Variants in APELA observed in about 807,000 individuals in gnomAD.
APELA encodes protein Elabela.
intron 2 of APELA, among the ~76,000 whole-genome samples, chr4:164,887,889 G>C (rs935399177): frequency 2.6e-5 from 4 of 152,182 alleles, no homozygotes; most frequent in African/African-American, 9.6e-5. Flanking sequence ...TGGGATTACA[G>C]GCTTGAGCCA....
chr4:164,885,217 G>A (rs532383007), intron 2 of APELA, among the ~76,000 whole-genome samples: 9 of 152,068 alleles, frequency 5.9e-5, no homozygotes, highest in South Asian at 4.2e-4. Flanking sequence ...TGCAGCCTCC[G>A]CCTTTTGGGC....
intron 2 of APELA, among the ~76,000 whole-genome samples, chr4:164,881,533 G>A (rs1579106880): frequency 1.1e-5 from 1 of 87,952 alleles, no homozygotes; most frequent in South Asian, 3.6e-4. Flanking sequence ...TCATTTCCTT[G>A]ATTTTTTTTT....
At chr4:164,879,538 G>A (rs753173541) in intron 2 of APELA, among the ~76,000 whole-genome samples, 44 of 151,936 alleles carry the variant, frequency 2.9e-4, no homozygotes, top group Non-Finnish European at 4.3e-4. Context: ...TCAACCTCCC[G>A]GGCTCAAGTG....
At position 164,897,321 on chromosome 4, in the gene APELA, G is replaced by A. The variant is rs1349768103; in HGVS notation, c.*1907G>A. ...ATAACCTATTCTCAGTTATATTTAT[G>A]TTTAAAACATGTACTGGTTTGTATA... On this transcript the variant is annotated 3_prime_UTR_variant, in exon 3 of 3. Coordinates refer to ENST00000507152, the MANE Select transcript of APELA (RefSeq NM_001297550.2). 1.3e-5 allele frequency: 2 copies of A among 152,128 alleles called. No individual in the cohort carries two copies. Among genetic ancestry groups the A allele is most frequent in the Non-Finnish European group, 2.9e-5 (2 of 68,008 alleles). The allele number at this position is 152,128 out of a possible 1,614,324, so 9.4% of individuals were successfully genotyped here.
At position 164,895,884 on chromosome 4, in the gene APELA, C is replaced by T. The variant is rs920712985; in HGVS notation, c.*470C>T. 26 of 152,094 alleles carry T rather than the reference C, an allele frequency of 1.7e-4. No individual in the cohort carries two copies. Among genetic ancestry groups the T allele is most frequent in the Admixed American group, 1.0e-3 (16 of 15,272 alleles). 9.4% of individuals were successfully genotyped at this position (152,094 alleles called of 1,614,324 possible). On this transcript the variant is annotated 3_prime_UTR_variant, in exon 3 of 3. Transcript: ENST00000507152. The stretch of plus-strand genomic sequence containing the variant: ...TCAACCTGAAATCAATTGCATTGAC[C>T]ATTTGGCTTCGCACAATAGGGAGAA...
At chr4:164,882,325 A>G (rs1324260377) in intron 2 of APELA, among the ~76,000 whole-genome samples, 1 of 151,664 alleles carries the variant, frequency 6.6e-6, no homozygotes, top group Non-Finnish European at 1.5e-5. Context: ...TTGGTCTCGA[A>G]CTCCCGACCT....
At chr4:164,880,072 C>T (rs1378418565) in intron 2 of APELA, among the ~76,000 whole-genome samples, 2 of 152,146 alleles carry the variant, frequency 1.3e-5, no homozygotes, top group African/African-American at 4.8e-5. Flanking sequence ...ATTTCAAGCT[C>T]ATTAATTCAT....
chr4:164,897,649 G>A (rs1016443092), downstream of APELA: 2 of 152,202 alleles, frequency 1.3e-5, no homozygotes, highest in African/African-American at 4.8e-5. Context: ...ATTTAAGACT[G>A]AACAGCCTCG....
In APELA at chr4:164,884,128, A is replaced by G. The variant is rs959507379; in HGVS notation, c.*1+5119A>G. Among the ~76,000 whole-genome samples the G allele has an allele frequency of 1.9e-3, 282 of 148,356 alleles. 1 individual carries two copies. The highest frequency in any genetic ancestry group is 6.4e-3 in the African/African-American group (250 of 38,972). ...ATGAAAGAAAGAAAGAAAGAGAAAG[A>G]AAGAAAGAAAGAAAGAAAGAAAGAA... On this transcript the variant is annotated intron_variant, in intron 2 of 2. Coordinates refer to ENST00000507152, the MANE Select transcript of APELA (RefSeq NM_001297550.2).
chr4:164,877,432 A>G, intron 1 of APELA, 25 bp downstream of exon 1: 3 of 398,934 alleles, frequency 7.5e-6, no homozygotes, highest in East Asian at 3.6e-5. Flanking sequence ...CATTTGTACA[A>G]GTAACTTGTT....
rs756652386 is a variant in APELA, at chr4:164,877,426, T to G, written c.76+19T>G. On this transcript the variant is annotated intron_variant, in intron 1 of 2. Transcript: ENST00000507152. ...AGACCAGGTAGGCCTTTGATACATT[T>G]GTACAAGTAACTTGTTTTGCCTGTT... The G allele has an allele frequency of 1.3e-5, 5 of 398,878 alleles. No homozygotes were observed. Among genetic ancestry groups the G allele is most frequent in the Non-Finnish European group, 2.2e-5 (5 of 226,028 alleles). The allele number at this position is 398,878 out of a possible 1,614,324, so 24.7% of individuals were successfully genotyped here.
At chr4:164,881,886 A>G (rs1200044000) in intron 2 of APELA, among the ~76,000 whole-genome samples, 1 of 151,816 alleles carries the variant, frequency 6.6e-6, no homozygotes, top group Non-Finnish European at 1.5e-5. Context: ...AAAAAAAAAA[A>G]AAGTTAGCCA....
intron 2 of APELA, among the ~76,000 whole-genome samples, chr4:164,885,383 G>A (rs879839357): frequency 5.3e-5 from 8 of 151,388 alleles, no homozygotes; most frequent in Non-Finnish European, 1.0e-4. Context: ...TGCCCCCCTC[G>A]GCCTCCCAAA....
intron 2 of APELA, among the ~76,000 whole-genome samples, chr4:164,892,774 T>C (rs1054728993): frequency 6.6e-6 from 1 of 152,198 alleles, no homozygotes; most frequent in Non-Finnish European, 1.5e-5. Context: ...GCTAATTCGA[T>C]CTTTTTTCTT....
intron 2 of APELA, among the ~76,000 whole-genome samples, chr4:164,891,305 T>C (rs1015977077): frequency 2.6e-5 from 4 of 152,142 alleles, no homozygotes; most frequent in African/African-American, 9.7e-5. Context: ...TAATCGAAGG[T>C]CACAAAGATT....
At chr4:164,884,305 C>T (rs1184383143) in intron 2 of APELA, among the ~76,000 whole-genome samples, 1 of 152,156 alleles carries the variant, frequency 6.6e-6, no homozygotes, top group Non-Finnish European at 1.5e-5. Context: ...CTCTTCATCT[C>T]TTCAAAGCCA....
Position 164,877,798 on chromosome 4 carries a change from T to C in APELA, c.76+391T>C, listed in dbSNP as rs548284473. 1.1e-3 allele frequency among the ~76,000 whole-genome samples: 174 copies of C among 152,308 alleles called. 1 individual carries two copies. The highest frequency in any genetic ancestry group is 2.2e-3 in the Non-Finnish European group (148 of 68,018). On this transcript the variant is annotated intron_variant, in intron 1 of 2. Coordinates refer to ENST00000507152, the MANE Select transcript of APELA (RefSeq NM_001297550.2). ...AAAGCAGTTTATTTAAAAAGTATGTTGCTGCCCAGAGTAGGGGCTGAATTA... is the reference window on the plus strand; with the variant it reads ...AAAGCAGTTTATTTAAAAAGTATGTCGCTGCCCAGAGTAGGGGCTGAATTA...
At chr4:164,885,949 C>G (rs940012381) in intron 2 of APELA, among the ~76,000 whole-genome samples, 1 of 152,130 alleles carries the variant, frequency 6.6e-6, no homozygotes. Flanking sequence ...AACTCTCTCC[C>G]TCCTTGAGAA....
At chr4:164,883,777 T>C (rs1272059715) in intron 2 of APELA, among the ~76,000 whole-genome samples, 1 of 151,736 alleles carries the variant, frequency 6.6e-6, no homozygotes, top group Non-Finnish European at 1.5e-5. Context: ...TGAGCCACTG[T>C]GTGTGGCCCC....
Sources: gnomAD v4.1 joint callset for allele counts (sites outside exome capture counted in the v4.1 genomes callset) on GRCh38, gnomAD v4.1.1 for gene constraint, MANE v1.5 for transcripts, NCBI Gene and HGNC (gene_info 2026-07-23, HGNC 2026-07-21) for gene names.